Variants in ALCAM observed in about 807,000 individuals in gnomAD.
The protein encoded by ALCAM is activated leukocyte cell adhesion molecule, also known as CD166 antigen.
Under a neutral mutation model 70.9 loss-of-function variants are expected in ALCAM, and 30 were observed. The observed-to-expected ratio is 0.42, with a 90% CI of 0.32 to 0.57. The LOEUF (loss-of-function observed/expected upper bound fraction) is 0.57. Ranked by LOEUF, ALCAM falls within the 20% of genes least tolerant of loss-of-function variation. The pLI is 0.11. For synonymous variants in ALCAM, 249 were observed against 242.5 expected (o/e 1.03, Z -0.25); for missense variants, 591 against 695.1 (o/e 0.85, Z 1.68).
intron 1 of ALCAM, among the ~76,000 whole-genome samples, chr3:105,433,803 C>G (rs563504764): frequency 6.7e-6 from 1 of 148,650 alleles, no homozygotes; most frequent in African/African-American, 2.5e-5. Context: ...ATATACTGAA[C>G]ACTGGATTAT....
intron 11 of ALCAM, among the ~76,000 whole-genome samples, chr3:105,548,487 T>G (rs1453607451): frequency 2.0e-5 from 3 of 151,386 alleles, no homozygotes; most frequent in South Asian, 2.1e-4. Flanking sequence ...TAAATTAATT[T>G]TAAGTTAAAA....
chr3:105,418,610 G>A (rs986841198), intron 1 of ALCAM, among the ~76,000 whole-genome samples: 1 of 151,740 alleles, frequency 6.6e-6, no homozygotes, highest in Non-Finnish European at 1.5e-5. Context: ...TTCTCTTGGT[G>A]TGTGTCATTT....
At chr3:105,571,464 C>T (rs191318146) in intron 14 of ALCAM, among the ~76,000 whole-genome samples, 1 of 152,088 alleles carries the variant, frequency 6.6e-6, no homozygotes, top group African/African-American at 2.4e-5. Flanking sequence ...GAAGGGAACG[C>T]GCCTTCATGA....
chr3:105,526,697 G>T (rs1284375736), intron 3 of ALCAM, among the ~76,000 whole-genome samples: 4 of 152,068 alleles, frequency 2.6e-5, no homozygotes, highest in Admixed American at 6.5e-5. Context: ...ACATATAGGG[G>T]CTTTGGTTTG....
At chr3:105,426,915 A>G (rs1936804073) in intron 1 of ALCAM, among the ~76,000 whole-genome samples, 1 of 151,920 alleles carries the variant, frequency 6.6e-6, no homozygotes, top group Non-Finnish European at 1.5e-5. Context: ...ATAAAAGCAC[A>G]ACTTAACAAA....
intron 14 of ALCAM, chr3:105,553,056 A>T: frequency 1.0e-6 from 1 of 997,176 alleles, no homozygotes; most frequent in Non-Finnish European, 1.2e-6. Context: ...TAGTTAGTTG[A>T]CTTTGATCCA....
intron 3 of ALCAM, among the ~76,000 whole-genome samples, chr3:105,525,585 C>A (rs1321523220): frequency 6.6e-6 from 1 of 152,094 alleles, no homozygotes; most frequent in Non-Finnish European, 1.5e-5. Flanking sequence ...AAGAAGGAAA[C>A]CCAGAGGGCC....
intron 1 of ALCAM, among the ~76,000 whole-genome samples, chr3:105,399,546 A>C (rs926467064): frequency 6.6e-6 from 1 of 152,148 alleles, no homozygotes; most frequent in Non-Finnish European, 1.5e-5. Flanking sequence ...GCCTAGATTT[A>C]TTGTCTACAA....
chr3:105,458,377 G>A (rs537436926), intron 1 of ALCAM, among the ~76,000 whole-genome samples: 2 of 152,110 alleles, frequency 1.3e-5, no homozygotes, highest in East Asian at 1.9e-4. Context: ...TGTAAGGTAC[G>A]CAGGCATGCA....
At chr3:105,399,732 C>A (rs1936042938) in intron 1 of ALCAM, among the ~76,000 whole-genome samples, 1 of 152,114 alleles carries the variant, frequency 6.6e-6, no homozygotes, top group Non-Finnish European at 1.5e-5. Flanking sequence ...TCTGACCACT[C>A]AAACCATGAA....
chr3:105,560,149 C>T (rs1324608083), intron 14 of ALCAM, among the ~76,000 whole-genome samples: 1 of 152,190 alleles, frequency 6.6e-6, no homozygotes, highest in Non-Finnish European at 1.5e-5. Context: ...ATCCTGCTTA[C>T]AACTCCCACC....
intron 14 of ALCAM, among the ~76,000 whole-genome samples, chr3:105,565,546 T>C (rs1940725348): frequency 6.6e-6 from 1 of 152,220 alleles, no homozygotes; most frequent in Non-Finnish European, 1.5e-5. Context: ...TAAACTTCTG[T>C]AATTCCTATT....
At chr3:105,472,069 T>C (rs1407150172) in intron 1 of ALCAM, among the ~76,000 whole-genome samples, 1 of 151,524 alleles carries the variant, frequency 6.6e-6, no homozygotes, top group Non-Finnish European at 1.5e-5. Flanking sequence ...GTGCCTGGCT[T>C]ATTTCACTGA....
At chr3:105,518,487 A>C (rs1420428624) in intron 1 of ALCAM, among the ~76,000 whole-genome samples, 1 of 152,128 alleles carries the variant, frequency 6.6e-6, no homozygotes, top group Admixed American at 6.5e-5. Flanking sequence ...TGTCATGTGC[A>C]ATAAAGCAAT....
At chr3:105,495,829 G>C (rs1477066442) in intron 1 of ALCAM, among the ~76,000 whole-genome samples, 3 of 152,188 alleles carry the variant, frequency 2.0e-5, no homozygotes. Context: ...CAGTATTGTA[G>C]AATAGGTCTC....
intron 1 of ALCAM, among the ~76,000 whole-genome samples, chr3:105,491,460 C>G (rs1938584928): frequency 6.6e-6 from 1 of 152,208 alleles, no homozygotes; most frequent in Admixed American, 6.5e-5. Context: ...ATCGCATCAT[C>G]AGGCTGCAAA....
chr3:105,385,395 C>A (rs541560412), intron 1 of ALCAM, among the ~76,000 whole-genome samples: 1 of 151,532 alleles, frequency 6.6e-6, no homozygotes, highest in African/African-American at 2.4e-5. Flanking sequence ...GTGGACCTCT[C>A]TTCAGAGAGG....
Position 105,503,264 on chromosome 3 carries a change from A to G in ALCAM, c.74-16803A>G, listed in dbSNP as rs1036869923. ...CAAGCTTTTCCAAAGAGCTAACACA[A>G]AAAGACAGCTTTCCTATTTGCCTAG... On this transcript the variant is annotated intron_variant, in intron 1 of 15. Coordinates refer to ENST00000306107, the MANE Select transcript of ALCAM (RefSeq NM_001627.4). Among the ~76,000 whole-genome samples, 4 of 152,222 alleles carry G rather than the reference A, an allele frequency of 2.6e-5. 1 individual carries two copies. Among genetic ancestry groups the G allele is most frequent in the Admixed American group, 2.6e-4 (4 of 15,282 alleles).
intron 1 of ALCAM, among the ~76,000 whole-genome samples, chr3:105,423,027 T>C (rs1936706732): frequency 6.6e-6 from 1 of 151,526 alleles, no homozygotes; most frequent in African/African-American, 2.4e-5. Context: ...TTCCCATTGT[T>C]AGCAGTGAAA....
Sources: allele counts gnomAD v4.1 joint callset (sites outside exome capture counted in the v4.1 genomes callset), GRCh38; gene constraint gnomAD v4.1.1; transcripts MANE v1.5; gene names NCBI Gene and HGNC (gene_info 2026-07-23, HGNC 2026-07-21).